Variants in KIAA1217 observed in about 807,000 individuals in gnomAD.
KIAA1217 encodes sickle tail protein homolog.
A neutral mutation model predicts 163.9 loss-of-function variants in KIAA1217; 88 were observed. The ratio of observed to expected loss-of-function variants is 0.54; its 90% confidence interval spans 0.45 to 0.64. The LOEUF (loss-of-function observed/expected upper bound fraction) is 0.64, where lower values mean the gene tolerates loss of function less well. KIAA1217 is among the 30% of genes least tolerant of loss of function. The probability of loss-of-function intolerance (pLI) is 0.00; values close to 1 mark genes in which losing one functional copy is unlikely to be tolerated. For synonymous variants in KIAA1217, 903 were observed against 923.1 expected, an observed-to-expected ratio of 0.98 and a Z score of 0.39; for missense variants, 2,372 against 2,475.0, an observed-to-expected ratio of 0.96 and a Z score of 0.88.
At chr10:24,270,026 G>T (rs183593904) in intron 2 of KIAA1217, among the ~76,000 whole-genome samples, 1 of 152,354 alleles carries the variant, frequency 6.6e-6, no homozygotes, top group East Asian at 1.9e-4. Flanking sequence ...ACAGGAGTGG[G>T]CAGTAAGCGT....
At chr10:23,983,360 A>G (rs1465436648) in intron 1 of KIAA1217, among the ~76,000 whole-genome samples, 4 of 152,188 alleles carry the variant, frequency 2.6e-5, no homozygotes, top group African/African-American at 7.2e-5. Flanking sequence ...AAGAAGTTTA[A>G]TTGGCTCATG....
intron 5 of KIAA1217, among the ~76,000 whole-genome samples, chr10:24,446,284 C>T (rs142517572): frequency 0.076 from 11,575 of 151,966 alleles, 612 homozygotes; most frequent in East Asian, 0.17. Flanking sequence ...GATATTAGCA[C>T]TTTGTCAGAT....
chr10:24,337,718 A>T (rs1332702277), intron 2 of KIAA1217, among the ~76,000 whole-genome samples: 1 of 146,476 alleles, frequency 6.8e-6, no homozygotes, highest in Admixed American at 6.9e-5. Flanking sequence ...ATCTCCACTC[A>T]CTGCAAACTC....
At chr10:24,523,358 G>A (rs1446372107) in intron 12 of KIAA1217, among the ~76,000 whole-genome samples, 1 of 152,140 alleles carries the variant, frequency 6.6e-6, no homozygotes, top group African/African-American at 2.4e-5. Context: ...GGTTGAGGCA[G>A]AATGATAGGG....
intron 1 of KIAA1217, among the ~76,000 whole-genome samples, chr10:23,702,123 C>CA (rs1322044937): frequency 6.6e-6 from 1 of 152,044 alleles, no homozygotes; most frequent in East Asian, 1.9e-4. Context: ...ACTACAGCAG[C>CA]AAAAATGGGG....
At chr10:24,233,197 T>C (rs1590100000) in intron 2 of KIAA1217, among the ~76,000 whole-genome samples, 1 of 152,240 alleles carries the variant, frequency 6.6e-6, no homozygotes, top group East Asian at 1.9e-4. Flanking sequence ...TTGTGATGCT[T>C]CCACTCATGA....
intron 1 of KIAA1217, among the ~76,000 whole-genome samples, chr10:23,799,298 T>C (rs1378214109): frequency 2.6e-5 from 4 of 152,214 alleles, no homozygotes; most frequent in African/African-American, 9.6e-5. Flanking sequence ...AAGAGGAAAC[T>C]ATTCGACTCC....
chr10:23,925,417 A>G (rs1366561491), intron 1 of KIAA1217, among the ~76,000 whole-genome samples: 1 of 152,160 alleles, frequency 6.6e-6, no homozygotes, highest in Non-Finnish European at 1.5e-5. Context: ...AGATATATTA[A>G]GGGCCGATAC....
At chr10:24,174,272 T>C (rs534102651) in intron 2 of KIAA1217, among the ~76,000 whole-genome samples, 1 of 152,372 alleles carries the variant, frequency 6.6e-6, no homozygotes, top group Non-Finnish European at 1.5e-5. Flanking sequence ...AGCTCTTGGC[T>C]TGCTGCCTTG....
chr10:24,523,671 C>T (rs1310589593), intron 12 of KIAA1217, among the ~76,000 whole-genome samples: 1 of 151,978 alleles, frequency 6.6e-6, no homozygotes. Context: ...CCATTTTATG[C>T]AAAAGCACCT....
intron 2 of KIAA1217, among the ~76,000 whole-genome samples, chr10:24,319,374 TCAAAA>T (rs2043828709): frequency 2.5e-5 from 1 of 39,586 alleles, no homozygotes; most frequent in African/African-American, 1.2e-4. Context: ...AGACGTTGTC[TCAAAA>T]AAAAAAAAAA....
intron 2 of KIAA1217, among the ~76,000 whole-genome samples, chr10:24,371,239 T>C (rs557095167): frequency 1.0e-3 from 155 of 152,228 alleles, no homozygotes; most frequent in Non-Finnish European, 1.8e-3. Flanking sequence ...TGCCTTCTGA[T>C]CTGATAAGAA....
intron 8 of KIAA1217, among the ~76,000 whole-genome samples, chr10:24,501,081 T>C (rs567240894): frequency 1.3e-4 from 14 of 108,228 alleles, no homozygotes; most frequent in South Asian, 2.6e-4. Context: ...GAAAAAAAAA[T>C]TAAAATAAAA....
At chr10:24,143,718 T>A (rs1404756098) in intron 2 of KIAA1217, among the ~76,000 whole-genome samples, 1 of 151,664 alleles carries the variant, frequency 6.6e-6, no homozygotes, top group East Asian at 1.9e-4. Flanking sequence ...GTGTGATTGG[T>A]TTTACTGGTC....
chr10:24,206,614 AATCC>A, upstream of KIAA1217, among the ~76,000 whole-genome samples: 1 of 152,246 alleles, frequency 6.6e-6, no homozygotes, highest in East Asian at 1.9e-4. Context: ...GCCAGTAAGT[AATCC>A]AATAGAAGCT....
intron 3 of KIAA1217, among the ~76,000 whole-genome samples, chr10:24,421,372 C>G (rs2058721006): frequency 6.6e-6 from 1 of 152,114 alleles, no homozygotes; most frequent in East Asian, 1.9e-4. Flanking sequence ...GCTGTCAATC[C>G]TATATATTGA....
At chr10:24,489,502 G>A (rs145013807) in intron 6 of KIAA1217, among the ~76,000 whole-genome samples, 2 of 151,654 alleles carry the variant, frequency 1.3e-5, no homozygotes, top group East Asian at 3.9e-4. Context: ...CTTAATTCAG[G>A]CTTAGTGACA....
intron 3 of KIAA1217, among the ~76,000 whole-genome samples, chr10:24,409,950 C>T (rs561348164): frequency 1.5e-4 from 22 of 151,104 alleles, no homozygotes; most frequent in East Asian, 1.2e-3. Flanking sequence ...GATATTCCAT[C>T]ATATATATAT....
intron 2 of KIAA1217, among the ~76,000 whole-genome samples, chr10:24,123,201 A>G (rs2063348914): frequency 6.6e-6 from 1 of 151,228 alleles, no homozygotes; most frequent in South Asian, 2.1e-4. Context: ...GTTGTTATCT[A>G]TTTGTGGTTA....
Sources: allele counts gnomAD v4.1 joint callset (sites outside exome capture counted in the v4.1 genomes callset), GRCh38; gene constraint gnomAD v4.1.1; transcripts MANE v1.5; gene names NCBI Gene and HGNC (gene_info 2026-07-23, HGNC 2026-07-21).